The following NDUFS6 variants were observed in gnomAD, a reference collection of about 807,000 sequenced individuals.
NDUFS6 encodes the protein NADH dehydrogenase [ubiquinone] iron-sulfur protein 6, mitochondrial.
NDUFS6 carries 14 observed loss-of-function variants against 13.2 expected under a neutral mutation model. The ratio of observed to expected loss-of-function variants is 1.06; its 90% confidence interval spans 0.70 to 1.66. The LOEUF (loss-of-function observed/expected upper bound fraction) is 1.66. Ranked by LOEUF, NDUFS6 falls within the 40% of genes most tolerant of loss-of-function variation. The probability of loss-of-function intolerance (pLI) is 0.00; values close to 1 mark genes in which losing one functional copy is unlikely to be tolerated. For synonymous variants in NDUFS6, 95 were observed against 72.3 expected (o/e 1.31, Z -1.60); for missense variants, 206 against 170.8 (o/e 1.21, Z -1.15).
intron 2 of NDUFS6, among the ~76,000 whole-genome samples, chr5:1,805,105 C>T (rs1280530598): frequency 2.6e-5 from 4 of 152,212 alleles, no homozygotes; most frequent in Non-Finnish European, 4.4e-5. Flanking sequence ...CCAAGGTGGG[C>T]TGATCACTTG....
chr5:1,804,008 G>T (rs1383175863), intron 2 of NDUFS6, among the ~76,000 whole-genome samples: 1 of 152,042 alleles, frequency 6.6e-6, no homozygotes, highest in Non-Finnish European at 1.5e-5. Context: ...CGATGGATGT[G>T]GGGAGGGTTC....
At chr5:1,815,183 G>A (rs990426988) in intron 3 of NDUFS6, among the ~76,000 whole-genome samples, 7 of 152,146 alleles carry the variant, frequency 4.6e-5, no homozygotes, top group African/African-American at 9.7e-5. Flanking sequence ...GAAAGAGACC[G>A]TGGGCTGAAG....
intron 2 of NDUFS6, among the ~76,000 whole-genome samples, chr5:1,812,605 C>A (rs1734235464): frequency 6.8e-6 from 1 of 147,550 alleles, no homozygotes; most frequent in Admixed American, 7.0e-5. Context: ...GAAGTTCATT[C>A]TATAACATTT....
Position 1,808,994 on chromosome 5 carries a change from C to T in NDUFS6, c.187-5345C>T, listed in dbSNP as rs187666167. On this transcript the variant is annotated intron_variant, in intron 2 of 3. Coordinates refer to ENST00000274137, the MANE Select transcript of NDUFS6 (RefSeq NM_004553.6). ...GATGATCCAGCTGGTGGACTTTTCC[C>T]TTCTGCGTTGGTTTTGATGCTGTGT... Among the ~76,000 whole-genome samples the T allele has an allele frequency of 2.0e-5, 3 of 152,266 alleles. No individual in the cohort carries two copies. In the East Asian group the frequency reaches 5.8e-4, roughly 29 times the overall value.
In NDUFS6 at chr5:1,806,994, A is replaced by G. The variant is rs112257397; in HGVS notation, c.186+4620A>G. Among the ~76,000 whole-genome samples, 283 of 152,328 alleles carry G rather than the reference A, an allele frequency of 1.9e-3. 5 individuals carry two copies. Among genetic ancestry groups the G allele is most frequent in the African/African-American group, 6.4e-3 (266 of 41,566 alleles). ...TAAGGAAGAACGCTTGACACGCCCC[A>G]CAACACGGATAAGCCTGGAGGACGT... On this transcript the variant is annotated intron_variant, in intron 2 of 3. Transcript: ENST00000274137.
At chr5:1,809,839 G>A (rs1434555799) in intron 2 of NDUFS6, among the ~76,000 whole-genome samples, 3 of 152,392 alleles carry the variant, frequency 2.0e-5, no homozygotes, top group Non-Finnish European at 1.5e-5. Context: ...AAGGCGAGCC[G>A]CCGGGCCGGC....
intron 2 of NDUFS6, among the ~76,000 whole-genome samples, chr5:1,808,336 A>G (rs2111354182): frequency 6.6e-6 from 1 of 152,254 alleles, no homozygotes; most frequent in Non-Finnish European, 1.5e-5. Context: ...CCTCCCAAAT[A>G]CGCCATCTTT....
rs1297677386 is a variant in NDUFS6 at position 1,801,559 on chromosome 5, G to A, written c.132+10G>A. 1.9e-6 allele frequency: 3 copies of A among 1,576,200 alleles called. No homozygotes were observed. The highest frequency in any genetic ancestry group is 1.1e-5 in the South Asian group (1 of 87,918). ...CACGCACACTGGCCAGGTAACGGCC[G>A]CTGGGTACAGGATGCACCTTCCTCC... is the stretch of plus-strand genomic sequence containing the variant. On this transcript the variant is annotated intron_variant, in intron 1 of 3. Transcript: ENST00000274137.
At chr5:1,815,724 A>G in intron 3 of NDUFS6, 127 bp from the exon 4 acceptor site, 1 of 965,532 alleles carries the variant, frequency 1.0e-6, no homozygotes, top group Non-Finnish European at 1.6e-6. Context: ...CTGCATTCTT[A>G]CTTCAGTAGT....
intron 1 of NDUFS6, chr5:1,802,044 G>A (rs1734053930): frequency 2.1e-6 from 1 of 477,938 alleles, no homozygotes; most frequent in Non-Finnish European, 3.7e-6. Flanking sequence ...AAGGTTGGGG[G>A]CGGTTCTCCT....
chr5:1,813,104 C>T (rs1734245307), intron 2 of NDUFS6, among the ~76,000 whole-genome samples: 1 of 152,148 alleles, frequency 6.6e-6, no homozygotes, highest in Non-Finnish European at 1.5e-5. Flanking sequence ...ATGAGTCACA[C>T]TGATCCTTCC....
intron 2 of NDUFS6, among the ~76,000 whole-genome samples, chr5:1,813,493 C>T (rs1481119215): frequency 6.6e-6 from 1 of 152,190 alleles, no homozygotes; most frequent in Non-Finnish European, 1.5e-5. Context: ...TGTAGGCGGA[C>T]CCCTGGTATT....
chr5:1,807,066 C>T (rs1356309642), intron 2 of NDUFS6, among the ~76,000 whole-genome samples: 1 of 130,576 alleles, frequency 7.7e-6, no homozygotes, highest in East Asian at 2.5e-4. Flanking sequence ...TGCGTGATTC[C>T]TCTAACACGA....
intron 2 of NDUFS6, among the ~76,000 whole-genome samples, chr5:1,806,520 A>C (rs1030810579): frequency 6.6e-6 from 1 of 152,326 alleles, no homozygotes; most frequent in South Asian, 2.1e-4. Flanking sequence ...ACGCGGTGCA[A>C]ATGTCTACCT....
rs368238039 is a variant in NDUFS6 at position 1,814,291 on chromosome 5, T to G, written c.187-48T>G. 429 of 1,611,286 alleles carry G rather than the reference T, an allele frequency of 2.7e-4. 1 individual carries two copies. The African/African-American group carries it at 4.9e-3, about 18-fold the overall frequency. Reference sequence around the variant, plus strand: ...GTGTGGTGGGTTAAATTGTATGTAGTTAGCAAGTTTGTGTATTTGTTTACG... The same window carrying G: ...GTGTGGTGGGTTAAATTGTATGTAGGTAGCAAGTTTGTGTATTTGTTTACG... On this transcript the variant is annotated intron_variant, in intron 2 of 3. Transcript: ENST00000274137. The surrounding 1 kb of genome is among the most constrained non-coding windows in gnomAD (Gnocchi z 4.9).
chr5:1,808,897 G>A (rs1034772952), intron 2 of NDUFS6, among the ~76,000 whole-genome samples: 3 of 152,144 alleles, frequency 2.0e-5, no homozygotes, highest in African/African-American at 7.2e-5. Context: ...CTAAATAATT[G>A]AACTGAGCTT....
chr5:1,803,610 CT>C (rs1388774954), intron 2 of NDUFS6, among the ~76,000 whole-genome samples: 5 of 152,268 alleles, frequency 3.3e-5, no homozygotes, highest in African/African-American at 1.2e-4. Flanking sequence ...TGATATCACA[CT>C]GTCAGTTGTC....
Position 1,814,329 on chromosome 5 carries a change from C to G in NDUFS6, c.187-10C>G, listed in dbSNP as rs1734268519. On this transcript the variant is annotated splice_polypyrimidine_tract_variant and intron_variant, in intron 2 of 3. Transcript: ENST00000274137. This position sits in a 1 kb window ranked among gnomAD's most constrained non-coding sequence, Gnocchi z 4.9. ...GTATTTGTTTACGTAAGTCTTTCTTCTTGTTCCAGGTGAATGAAAACTTTG... is the reference window on the plus strand; with the variant it reads ...GTATTTGTTTACGTAAGTCTTTCTTGTTGTTCCAGGTGAATGAAAACTTTG... 6.2e-7 allele frequency: 1 copy of G among 1,614,072 alleles called. No homozygotes were observed. The highest frequency in any genetic ancestry group is 1.3e-5 in the African/African-American group (1 of 74,922).
In NDUFS6 at chr5:1,801,448, C is replaced by G. The variant is rs755222875; in HGVS notation, c.31C>G (p.Leu11Val). 120 of 1,605,118 alleles carry G rather than the reference C, an allele frequency of 7.5e-5. No homozygotes were observed. The highest frequency in any genetic ancestry group is 1.3e-4 in the Admixed American group (8 of 59,866). The change falls in exon 1 of 4, where the codon CTG becomes GTG. Residue 11 changes from leucine to valine, a missense_variant. By Grantham distance (32) the Leu-to-Val change is conservative. Transcript: ENST00000274137. ...GGCGGCGATGACCTTCTGCCGGCTG[C>G]TGAACCGGTGTGGCGAGGCGGCGCG... The part of the protein sequence containing the change: MAAAMTFCRL[L>V]NRCGEAARSL...
Sources: allele counts gnomAD v4.1 joint callset (sites outside exome capture counted in the v4.1 genomes callset), GRCh38; gene constraint gnomAD v4.1.1; non-coding constraint Gnocchi (gnomAD v3.1); transcripts MANE v1.5; gene names NCBI Gene and HGNC (gene_info 2026-07-23, HGNC 2026-07-21).